Variants in RAP1GAP2 observed in about 807,000 individuals in gnomAD.
RAP1GAP2 encodes rap1 GTPase-activating protein 2.
Under a neutral mutation model 95.0 loss-of-function variants are expected in RAP1GAP2, and 27 were observed. The ratio of observed to expected loss-of-function variants is 0.28; its 90% CI spans 0.21 to 0.39. The LOEUF is 0.39. Ranked by LOEUF, RAP1GAP2 falls within the 10% of genes least tolerant of loss-of-function variation. RAP1GAP2 has a pLI of 1.00. For synonymous variants in RAP1GAP2, 373 were observed against 380.9 expected (o/e 0.98, Z 0.24); for missense variants, 771 against 970.0 (o/e 0.79, Z 2.72).
At chr17:2,787,057 T>C (rs565987221) in intron 1 of RAP1GAP2, among the ~76,000 whole-genome samples, 1 of 150,316 alleles carries the variant, frequency 6.7e-6, no homozygotes, top group Admixed American at 6.7e-5. Context: ...TTCAAGCCAT[T>C]CTCCTGCCCC....
chr17:2,950,468 G>A (rs2043878606), intron 3 of RAP1GAP2, among the ~76,000 whole-genome samples: 1 of 152,222 alleles, frequency 6.6e-6, no homozygotes, highest in Non-Finnish European at 1.5e-5. Context: ...GCTTCCAGAG[G>A]GAGCTTTCCC....
At chr17:2,763,162 C>T (rs963056582) in intron 1 of RAP1GAP2, among the ~76,000 whole-genome samples, 4 of 152,176 alleles carry the variant, frequency 2.6e-5, no homozygotes, top group Non-Finnish European at 5.9e-5. Context: ...ATATTTTCTA[C>T]GTTAACAAGT....
chr17:2,956,144 C>T (rs1397811865), intron 3 of RAP1GAP2, among the ~76,000 whole-genome samples: 1 of 152,188 alleles, frequency 6.6e-6, no homozygotes, highest in Non-Finnish European at 1.5e-5. Flanking sequence ...GTAAGAATGC[C>T]CCGCGTGGGT....
intron 2 of RAP1GAP2, among the ~76,000 whole-genome samples, chr17:2,836,996 A>G (rs534179213): frequency 1.1e-4 from 17 of 152,276 alleles, no homozygotes; most frequent in Admixed American, 9.2e-4. Flanking sequence ...CACACCTGTC[A>G]TCCCAGCACT....
At chr17:2,995,312 A>G in intron 12 of RAP1GAP2, 25 bp from the exon 13 acceptor site, 1 of 1,610,626 alleles carries the variant, frequency 6.2e-7, no homozygotes, top group Non-Finnish European at 8.5e-7. Flanking sequence ...TTTTCTCCCC[A>G]TCTCCTGCCC....
Position 2,980,347 on chromosome 17 carries a change from T to G in RAP1GAP2, c.657T>G (p.Ser219Arg). Residue 219 changes from serine to arginine, a missense_variant, in exon 9 of 25, where the codon AGT becomes AGG. By Grantham distance (110) the Ser-to-Arg change is moderately radical. Transcript: ENST00000254695. ...IPLAGLSKLP[S>R]VPQIAKAFCD... Reference sequence around the variant, plus strand: ...TGGCTGGACTGAGCAAGCTTCCCAGTGTCCCTCAGATTGCAAAGGTGAGAA... The same window carrying G: ...TGGCTGGACTGAGCAAGCTTCCCAGGGTCCCTCAGATTGCAAAGGTGAGAA... 1 of 1,613,934 alleles carries G rather than the reference T, an allele frequency of 6.2e-7. No homozygotes were observed. The highest frequency in any genetic ancestry group is 8.5e-7 in the Non-Finnish European group (1 of 1,179,866).
At chr17:2,923,804 T>C (rs984189153) in intron 3 of RAP1GAP2, among the ~76,000 whole-genome samples, 6 of 152,342 alleles carry the variant, frequency 3.9e-5, no homozygotes, top group African/African-American at 1.4e-4. Context: ...ATCATAATCC[T>C]ACCATCCAGA....
In RAP1GAP2 at chr17:2,903,036, G is replaced by A. The variant is rs1319485404; in HGVS notation, c.81-2248G>A. On this transcript the variant is annotated intron_variant, in intron 2 of 24. Coordinates refer to ENST00000254695, the MANE Select transcript of RAP1GAP2 (RefSeq NM_015085.5). The surrounding 1 kb of genome is among the most constrained non-coding windows in gnomAD (Gnocchi z 4.1). Reference sequence around the variant, plus strand: ...GACTGTGTGTTTCTGGAGAGCCAGGGCTGCTGTCCATCAAGGTGCCTGCGA... The same window carrying A: ...GACTGTGTGTTTCTGGAGAGCCAGGACTGCTGTCCATCAAGGTGCCTGCGA... Among the ~76,000 whole-genome samples the A allele has an allele frequency of 1.3e-5, 2 of 152,188 alleles. No homozygotes were observed. The highest frequency in any genetic ancestry group is 2.4e-5 in the African/African-American group (1 of 41,436).
chr17:2,937,651 T>A (rs1363943933), intron 3 of RAP1GAP2, among the ~76,000 whole-genome samples: 2 of 152,218 alleles, frequency 1.3e-5, no homozygotes, highest in African/African-American at 4.8e-5. Flanking sequence ...GCTCATGAAC[T>A]TGACAATATC....
At chr17:2,969,867 C>A (rs922194130) in intron 8 of RAP1GAP2, among the ~76,000 whole-genome samples, 2 of 152,050 alleles carry the variant, frequency 1.3e-5, no homozygotes, top group Non-Finnish European at 2.9e-5. Context: ...CTGTAACTTG[C>A]TTCTCTTAAC....
Position 3,035,300 on chromosome 17 carries a change from A to C in RAP1GAP2, c.*1939A>C, listed in dbSNP as rs1375710247. On this transcript the variant is annotated 3_prime_UTR_variant, in exon 25 of 25. Transcript: ENST00000254695. The surrounding 1 kb of genome is among the most constrained non-coding windows in gnomAD (Gnocchi z 4.3). ...GGAGGCACTGGCAAGGTCAAACTGC[A>C]TTTCTTTAAGAACAGTTGCAGGATC... is the stretch of plus-strand genomic sequence containing the variant. The C allele has an allele frequency of 3.9e-5, 6 of 152,334 alleles. No individual in the cohort carries two copies. The highest frequency in any genetic ancestry group is 2.9e-5 in the Non-Finnish European group (2 of 68,056). The allele number at this position is 152,334 out of a possible 1,614,324, so 9.4% of individuals were successfully genotyped here.
chr17:2,849,697 G>A (rs2151589837), intron 2 of RAP1GAP2, among the ~76,000 whole-genome samples: 1 of 152,350 alleles, frequency 6.6e-6, no homozygotes, highest in African/African-American at 2.4e-5. Flanking sequence ...GGGACTGTGA[G>A]CTTTGGAGGC....
chr17:2,786,946 CTTT>C (rs67990731), intron 1 of RAP1GAP2, among the ~76,000 whole-genome samples: 36 of 58,254 alleles, frequency 6.2e-4, no homozygotes, highest in South Asian at 2.1e-3. Flanking sequence ...CGCTCCCAGC[CTTT>C]TTTTTTTTTT....
intron 19 of RAP1GAP2, among the ~76,000 whole-genome samples, 155 bp from the exon 20 acceptor site, chr17:3,025,853 C>T (rs1269131636): frequency 6.6e-6 from 1 of 152,160 alleles, no homozygotes; most frequent in Non-Finnish European, 1.5e-5. Context: ...CTGGGGGGCT[C>T]AGGTGGGAAA....
intron 12 of RAP1GAP2, among the ~76,000 whole-genome samples, chr17:2,992,950 C>G (rs1289243834): frequency 6.6e-6 from 1 of 151,944 alleles, no homozygotes; most frequent in East Asian, 1.9e-4. Context: ...GTGGCTCACG[C>G]CTGTAATCCC....
intron 1 of RAP1GAP2, among the ~76,000 whole-genome samples, chr17:2,756,388 T>C (rs1185327905): frequency 6.6e-6 from 1 of 152,210 alleles, no homozygotes; most frequent in Non-Finnish European, 1.5e-5. Flanking sequence ...AGTCAGAGCC[T>C]GCGGTGTCAG....
At chr17:2,818,814 G>A (rs572413550) in intron 2 of RAP1GAP2, among the ~76,000 whole-genome samples, 4 of 152,164 alleles carry the variant, frequency 2.6e-5, no homozygotes, top group Non-Finnish European at 4.4e-5. Context: ...CCTCAGGCAG[G>A]TTCCTTCATC....
At chr17:2,819,545 C>T (rs371997116) in intron 2 of RAP1GAP2, among the ~76,000 whole-genome samples, 22 of 151,924 alleles carry the variant, frequency 1.4e-4, no homozygotes, top group African/African-American at 5.1e-4. Flanking sequence ...GCAATCTCGG[C>T]TCATTGCAGC....
chr17:3,021,317 C>T (rs978223688), intron 19 of RAP1GAP2, among the ~76,000 whole-genome samples: 3 of 152,076 alleles, frequency 2.0e-5, no homozygotes, highest in Admixed American at 1.3e-4. Context: ...AACCTCCCTT[C>T]ATCCTGCCCT....
Sources: gnomAD v4.1 joint callset for allele counts (sites outside exome capture counted in the v4.1 genomes callset) on GRCh38, gnomAD v4.1.1 for gene constraint, Gnocchi (gnomAD v3.1) non-coding constraint, MANE v1.5 for transcripts, NCBI Gene and HGNC (gene_info 2026-07-23, HGNC 2026-07-21) for gene names.